Variants in MCF2L observed in about 807,000 individuals in gnomAD.
The protein encoded by MCF2L is MCF.2 cell line derived transforming sequence like.
MCF2L carries 97 observed loss-of-function variants against 153.4 expected under a neutral mutation model. The observed-to-expected ratio is 0.63, with a 90% confidence interval of 0.54 to 0.75. The LOEUF is 0.75. Among genes scored for constraint, MCF2L ranks in the 30% least tolerant of loss-of-function variants. The pLI, the probability that MCF2L is intolerant of heterozygous loss-of-function variation, is 0.00. For missense variants in MCF2L, 1,347 were observed against 1,495.2 expected, an observed-to-expected ratio of 0.90 and a Z score of 1.64; for synonymous variants, 659 against 632.2, an observed-to-expected ratio of 1.04 and a Z score of -0.64.
At chr13:112,984,752 C>T (rs999963976) in intron 1 of MCF2L, among the ~76,000 whole-genome samples, 25 of 152,170 alleles carry the variant, frequency 1.6e-4, no homozygotes, top group Admixed American at 1.2e-3. Flanking sequence ...TGGGAGGAAC[C>T]AATCCCTCAG....
At chr13:112,992,337 G>A (rs1237669404) in intron 1 of MCF2L, among the ~76,000 whole-genome samples, 2 of 152,218 alleles carry the variant, frequency 1.3e-5, no homozygotes, top group African/African-American at 4.8e-5. Context: ...TGTTTAGTGG[G>A]AGCCAATGGA....
intron 2 of MCF2L, among the ~76,000 whole-genome samples, chr13:113,016,062 C>T (rs2084493272): frequency 6.6e-6 from 1 of 152,312 alleles, no homozygotes; most frequent in Non-Finnish European, 1.5e-5. Context: ...CCCACCCCAG[C>T]GGTGCCTGGG....
chr13:113,049,754 C>A (rs559829028), intron 4 of MCF2L, among the ~76,000 whole-genome samples: 2 of 152,216 alleles, frequency 1.3e-5, no homozygotes, highest in Non-Finnish European at 2.9e-5. Context: ...GCTCGGCCAC[C>A]GAGGAGGACG....
chr13:112,926,517 T>TGCTGC (rs2081408369), intron 2 of MCF2L, among the ~76,000 whole-genome samples: 3 of 151,920 alleles, frequency 2.0e-5, no homozygotes, highest in South Asian at 4.2e-4. Flanking sequence ...CACAGCGGAG[T>TGCTGC]ACTGTACGGC....
intron 1 of MCF2L, among the ~76,000 whole-genome samples, chr13:112,996,685 G>T (rs1425438222): frequency 3.3e-5 from 5 of 152,192 alleles, no homozygotes; most frequent in Admixed American, 3.3e-4. Context: ...CGATGGTCCC[G>T]AGACTGTCGT....
At chr13:112,956,003 C>G (rs1223144610) in intron 2 of MCF2L, 2 of 152,194 alleles carry the variant, frequency 1.3e-5, no homozygotes, top group African/African-American at 4.8e-5. Flanking sequence ...GAAATCAAGT[C>G]TGGATGTCAG....
rs115664390 is a variant in MCF2L, at chr13:113,034,949, G to A, written c.278+10191G>A. Among the ~76,000 whole-genome samples, 366 of 152,208 alleles carry A rather than the reference G, an allele frequency of 2.4e-3. 2 individuals carry two copies. Among genetic ancestry groups the A allele is most frequent in the African/African-American group, 7.9e-3 (329 of 41,476 alleles). ...CGAGGCAAGGCAGGCCCGCAGTCCC[G>A]GGCGGTGGCATCAGGGTGAGCGCCC... is the stretch of plus-strand genomic sequence containing the variant. On this transcript the variant is annotated intron_variant, in intron 3 of 29. Transcript: ENST00000535094.
chr13:113,093,560 C>T (rs1299139594), intron 26 of MCF2L: 9 of 146,880 alleles, frequency 6.1e-5, no homozygotes, highest in African/African-American at 1.3e-4. Context: ...CACAGGCATC[C>T]GTGCACGCAG....
At chr13:113,012,449 G>A (rs1486294255) in intron 1 of MCF2L, among the ~76,000 whole-genome samples, 1 of 117,160 alleles carries the variant, frequency 8.5e-6, no homozygotes, top group Non-Finnish European at 1.9e-5. Context: ...ACTGCAGTGC[G>A]GATGGTGGAC....
At chr13:113,026,239 C>T (rs72485693) in intron 3 of MCF2L, among the ~76,000 whole-genome samples, 226 of 93,002 alleles carry the variant, frequency 2.4e-3, no homozygotes, top group Middle Eastern at 0.013. Context: ...CTGGGGTCCC[C>T]GTGACTGTGG....
At chr13:112,973,929 C>T (rs901524459) in intron 1 of MCF2L, among the ~76,000 whole-genome samples, 3 of 152,188 alleles carry the variant, frequency 2.0e-5, no homozygotes, top group African/African-American at 7.2e-5. Context: ...CCTTTTCACG[C>T]TGCACCTGTG....
chr13:113,015,471 CG>C, intron 2 of MCF2L, among the ~76,000 whole-genome samples: 1 of 151,986 alleles, frequency 6.6e-6, no homozygotes, highest in Non-Finnish European at 1.5e-5. Context: ...GCCCCGATGC[CG>C]AGGAGGGTGC....
chr13:112,968,949 AGGT>A (rs2081949633), upstream of MCF2L: 6 of 472,732 alleles, frequency 1.3e-5, no homozygotes, highest in Non-Finnish European at 2.2e-5. Context: ...GTGATACACT[AGGT>A]GACCTAGTGA....
chr13:112,942,971 G>A (rs1405815716), intron 2 of MCF2L, among the ~76,000 whole-genome samples: 1 of 152,196 alleles, frequency 6.6e-6, no homozygotes, highest in African/African-American at 2.4e-5. Context: ...ATTTAGGATT[G>A]ACATGTGTCC....
intron 1 of MCF2L, among the ~76,000 whole-genome samples, chr13:112,995,057 G>A (rs1330906804): frequency 2.6e-5 from 4 of 152,194 alleles, no homozygotes; most frequent in African/African-American, 4.8e-5. Context: ...ACACGGTGTC[G>A]CATCCTCTGA....
At chr13:113,037,409 G>C (rs997369771) in intron 3 of MCF2L, among the ~76,000 whole-genome samples, 10 of 152,334 alleles carry the variant, frequency 6.6e-5, no homozygotes, top group East Asian at 3.9e-4. Flanking sequence ...TGGAGAGTTG[G>C]TTGAACATCT....
At chr13:113,037,024 C>T (rs1018151125) in intron 3 of MCF2L, among the ~76,000 whole-genome samples, 1 of 152,230 alleles carries the variant, frequency 6.6e-6, no homozygotes, top group African/African-American at 2.4e-5. Flanking sequence ...AACCCCCAGA[C>T]TTGAACTTAG....
At chr13:113,062,239 C>A (rs547511327) in intron 5 of MCF2L, among the ~76,000 whole-genome samples, 1 of 152,232 alleles carries the variant, frequency 6.6e-6, no homozygotes, top group African/African-American at 2.4e-5. Flanking sequence ...CATGTCCTGA[C>A]ACCAGGATGA....
chr13:113,021,269 T>A (rs999191545), intron 2 of MCF2L, among the ~76,000 whole-genome samples: 7 of 152,162 alleles, frequency 4.6e-5, no homozygotes, highest in Admixed American at 2.6e-4. Context: ...TACATGTATG[T>A]GTGTATAGGT....
Sources: allele counts gnomAD v4.1 joint callset (sites outside exome capture counted in the v4.1 genomes callset), GRCh38; gene constraint gnomAD v4.1.1; transcripts MANE v1.5; gene names NCBI Gene and HGNC (gene_info 2026-07-23, HGNC 2026-07-21).